USP15: variants seen among roughly 807,000 people sequenced by gnomAD.
The protein encoded by USP15 is ubiquitin carboxyl-terminal hydrolase 15.
Under a neutral mutation model 127.1 loss-of-function variants are expected in USP15, and 18 were observed. The observed-to-expected ratio is 0.14, with a 90% CI of 0.10 to 0.21. The LOEUF (loss-of-function observed/expected upper bound fraction) is 0.21, where lower values mean the gene tolerates loss of function less well. USP15 is among the 10% of genes least tolerant of loss of function. The probability of loss-of-function intolerance (pLI) is 1.00; values close to 1 mark genes in which losing one functional copy is unlikely to be tolerated. For synonymous variants in USP15, 364 were observed against 393.7 expected (o/e 0.92, Z 0.89); for missense variants, 805 against 1,159.9 (o/e 0.69, Z 4.44).
intron 1 of USP15, among the ~76,000 whole-genome samples, chr12:62,283,639 G>C (rs1340571114): frequency 6.6e-6 from 1 of 152,122 alleles, no homozygotes; most frequent in African/African-American, 2.4e-5. Context: ...GTGGATATCA[G>C]ATTAATCACT....
At chr12:62,291,603 T>G (rs2063970434) in intron 1 of USP15, among the ~76,000 whole-genome samples, 1 of 152,244 alleles carries the variant, frequency 6.6e-6, no homozygotes, top group Non-Finnish European at 1.5e-5. Context: ...CCAGAATTAT[T>G]ACACTGGTTC....
intron 6 of USP15, chr12:62,327,683 C>A: frequency 2.3e-6 from 1 of 434,084 alleles, no homozygotes; most frequent in South Asian, 1.7e-5. Context: ...TTTATTTATT[C>A]CAACAACTTT....
chr12:62,370,616 G>T (rs539221737), intron 8 of USP15, among the ~76,000 whole-genome samples: 53 of 152,242 alleles, frequency 3.5e-4, no homozygotes, highest in Non-Finnish European at 2.9e-5. Flanking sequence ...TATCATTACT[G>T]TTGTCATGAT....
Position 62,303,126 on chromosome 12 carries a change from T to C in USP15, c.348+206T>C, listed in dbSNP as rs544208722. The C allele has an allele frequency of 3.9e-5, 18 of 456,784 alleles. 1 individual carries two copies. The South Asian group carries it at 4.9e-4, about 12-fold the overall frequency. The allele number at this position is 456,784 out of a possible 1,614,324, so 28.3% of individuals were successfully genotyped here. A position where few individuals can be genotyped will look rare whatever the true frequency, so the allele number is the denominator to read the frequency against. On this transcript the variant is annotated intron_variant, in intron 3 of 21. Transcript: ENST00000280377. The stretch of plus-strand genomic sequence containing the variant: ...ACTATTGTAAGTATGTATTATTGAT[T>C]AATCCTCTATATATAGAGAGAAAAC...
At chr12:62,383,783 T>A (rs2067061027) in intron 9 of USP15, 57 bp from the exon 10 acceptor site, 1 of 1,547,146 alleles carries the variant, frequency 6.5e-7, no homozygotes. Flanking sequence ...ATTGTACATA[T>A]GTTTAAAAAT....
chr12:62,260,658 GC>G (rs1377711384), intron 1 of USP15, among the ~76,000 whole-genome samples, 155 bp downstream of exon 1: 2 of 152,108 alleles, frequency 1.3e-5, no homozygotes, highest in African/African-American at 4.8e-5. Context: ...AAATGTTGGG[GC>G]AAAGGTTGGA....
At chr12:62,278,669 A>G (rs1270853042) in intron 1 of USP15, 2 of 152,198 alleles carry the variant, frequency 1.3e-5, no homozygotes, top group East Asian at 1.9e-4. Context: ...CCTCAACTTA[A>G]TGATGGAGTT....
At chr12:62,355,087 A>G (rs2066078367) in intron 7 of USP15, 1 of 284,604 alleles carries the variant, frequency 3.5e-6, no homozygotes, top group Non-Finnish European at 6.5e-6. Context: ...AGGAAGATAT[A>G]ATAGTGCTTT....
rs772547568 is a variant in USP15, at chr12:62,411,918, C to T, written c.*7543C>T. 1.3e-5 allele frequency: 2 copies of T among 152,114 alleles called. No individual in the cohort carries two copies. The highest frequency in any genetic ancestry group is 2.9e-5 in the Non-Finnish European group (2 of 68,026). 9.4% of individuals were successfully genotyped at this position (152,114 alleles called of 1,614,324 possible). On this transcript the variant is annotated 3_prime_UTR_variant, in exon 22 of 22. Transcript: ENST00000280377. ...CGTCATGAAGCCCTCACCCTCATGACCTCATCTAAACCTAATTATCTCCTA... is the reference window on the plus strand; with the variant it reads ...CGTCATGAAGCCCTCACCCTCATGATCTCATCTAAACCTAATTATCTCCTA...
At chr12:62,278,048 A>G (rs2063542011) in intron 1 of USP15, among the ~76,000 whole-genome samples, 1 of 152,184 alleles carries the variant, frequency 6.6e-6, no homozygotes, top group Admixed American at 6.5e-5. Context: ...TATTTTCTTC[A>G]TATCCTTATT....
At chr12:62,367,809 C>T (rs537391846) in intron 8 of USP15, among the ~76,000 whole-genome samples, 2 of 152,200 alleles carry the variant, frequency 1.3e-5, no homozygotes, top group African/African-American at 4.8e-5. Flanking sequence ...TCTCTGTCTC[C>T]TTCAGTTCTG....
chr12:62,403,004 T>C (rs1274031936), intron 21 of USP15, among the ~76,000 whole-genome samples: 1 of 152,028 alleles, frequency 6.6e-6, no homozygotes, highest in African/African-American at 2.4e-5. Context: ...GGATAATAGA[T>C]GTAGAGATCC....
At chr12:62,298,378 AT>A (rs1308960639) in intron 2 of USP15, among the ~76,000 whole-genome samples, 2 of 151,970 alleles carry the variant, frequency 1.3e-5, no homozygotes, top group Non-Finnish European at 2.9e-5. Flanking sequence ...TACAAAAAAA[AT>A]AATCCAGCCA....
Position 62,409,346 on chromosome 12 carries a change from C to T in USP15, c.*4971C>T, listed in dbSNP as rs569051640. 1.5e-3 allele frequency: 229 copies of T among 152,076 alleles called. 2 individuals are homozygous for T. Among genetic ancestry groups the T allele is most frequent in the African/African-American group, 5.3e-3 (218 of 41,506 alleles). 9.4% of individuals were successfully genotyped at this position (152,076 alleles called of 1,614,324 possible). ...CTCAAAGGACAGAGAGAAAATCAGT[C>T]AAATGGGTTTTGATATTTTTTTTTC... On this transcript the variant is annotated 3_prime_UTR_variant, in exon 22 of 22. Coordinates refer to ENST00000280377, the MANE Select transcript of USP15 (RefSeq NM_001252078.2).
chr12:62,355,438 A>G lies in USP15; in HGVS notation c.878A>G (p.Asn293Ser), dbSNP rs765430903. ...CAGCCAGGCCTCTGTGGCCTAAGTA[A>G]CTTGGGAAATACGTGTTTCATGAAC... ...NEQPGLCGLS[N>S]LGNTCFMNSA... The change falls in exon 8 of 22, where the codon AAC (asparagine) becomes AGC (serine). Residue 293 changes from asparagine (N) to serine (S), a missense_variant. This residue lies in a region of USP15 where 84 missense variants were observed against 107.7 expected (regional missense o/e 0.78). Transcript: ENST00000280377. 3.1e-6 allele frequency: 5 copies of G among 1,607,820 alleles called. No individual in the cohort carries two copies.
At chr12:62,344,854 C>T (rs942034785) in intron 6 of USP15, among the ~76,000 whole-genome samples, 9 of 152,176 alleles carry the variant, frequency 5.9e-5, no homozygotes, top group African/African-American at 2.2e-4. Flanking sequence ...TGAGCTGTAC[C>T]TTGGCCCCTT....
intron 1 of USP15, among the ~76,000 whole-genome samples, chr12:62,261,846 G>T (rs1425228704): frequency 4.0e-5 from 6 of 151,646 alleles, no homozygotes; most frequent in Admixed American, 3.9e-4. Flanking sequence ...TTCTTTTTTG[G>T]TAGGCTATAT....
At chr12:62,384,937 G>A (rs2067101505) in intron 11 of USP15, among the ~76,000 whole-genome samples, 1 of 151,830 alleles carries the variant, frequency 6.6e-6, no homozygotes. Flanking sequence ...TGTGGGTAAA[G>A]CACTATCTTT....
At chr12:62,276,627 C>A (rs1172259449) in intron 1 of USP15, among the ~76,000 whole-genome samples, 1 of 151,880 alleles carries the variant, frequency 6.6e-6, no homozygotes, top group Non-Finnish European at 1.5e-5. Flanking sequence ...GCTCTAGTTA[C>A]CAAAAGGAAG....
Sources: gnomAD v4.1 joint callset for allele counts (sites outside exome capture counted in the v4.1 genomes callset) on GRCh38, gnomAD v4.1.1 for gene constraint, gnomAD v4.1.1 regional missense constraint, MANE v1.5 for transcripts, NCBI Gene and HGNC (gene_info 2026-07-23, HGNC 2026-07-21) for gene names.